ODAD3: variants seen among roughly 807,000 people sequenced by gnomAD.
The protein encoded by ODAD3 is outer dynein arm docking complex subunit 3.
Under a neutral mutation model 70.9 loss-of-function variants are expected in ODAD3, and 57 were observed. The ratio of observed to expected loss-of-function variants is 0.80; its 90% confidence interval spans 0.65 to 1.00. ODAD3 has a LOEUF of 1.00. Among genes scored for constraint, ODAD3 ranks in the 50% least tolerant of loss-of-function variants. The pLI is 0.00. For synonymous variants in ODAD3, 327 were observed against 315.9 expected, an observed-to-expected ratio of 1.04 and a Z score of -0.37; for missense variants, 797 against 763.9, an observed-to-expected ratio of 1.04 and a Z score of -0.51.
In ODAD3 at chr19:11,425,307, GTGTACATATGTGTATA is replaced by G. The variant is rs1165477038; in HGVS notation, c.963+821_963+836del. 1.1e-3 allele frequency among the ~76,000 whole-genome samples: 123 copies of G among 111,044 alleles called. 8 individuals are homozygous for G. The highest frequency in any genetic ancestry group is 2.0e-3 in the Admixed American group (25 of 12,460). The allele number at this position is 111,044 out of a possible 152,430, so 72.8% of individuals were successfully genotyped here. On this transcript the variant is annotated intron_variant, in intron 7 of 12. Coordinates refer to ENST00000356392, the MANE Select transcript of ODAD3 (RefSeq NM_145045.5). The stretch of plus-strand genomic sequence containing the variant: ...TGTACATATGTGTATATATGTGTAT[GTGTACATATGTGTATA>G]TGTACATATGTGTATATATGTATAT...
Position 11,425,567 on chromosome 19 carries a change from G to GTATGTATGTATATATGTATATATGTGTA in ODAD3, c.963+576_963+577insTACACATATATACATATATACATACATA, listed in dbSNP as rs1969339770. On this transcript the variant is annotated intron_variant, in intron 7 of 12. Transcript: ENST00000356392. ...TGTATGTATATATGTATATATGTGTGTATGTATGTATATATGTATGTATAT... is the reference window on the plus strand; with the variant it reads ...TGTATGTATATATGTATATATGTGTGTATGTATGTATATATGTATATATGTGTATATGTATGTATATATGTATGTATAT... Among the ~76,000 whole-genome samples, 13 of 131,134 alleles carry GTATGTATGTATATATGTATATATGTGTA rather than the reference G, an allele frequency of 9.9e-5. 1 individual carries two copies. The highest frequency in any genetic ancestry group is 2.2e-4 in the South Asian group (1 of 4,592). The allele number at this position is 131,134 out of a possible 152,430, so 86.0% of individuals were successfully genotyped here.
At position 11,420,796 on chromosome 19, in the gene ODAD3, G is replaced by A; in HGVS notation, c.*39C>T. Reference sequence around the variant, plus strand: ...CTGCGCTAGACCCGGAGGGATCGGGGGCTCCGAAGGGGGCCGCCTGGTGGG... The same window carrying A: ...CTGCGCTAGACCCGGAGGGATCGGGAGCTCCGAAGGGGGCCGCCTGGTGGG... On this transcript the variant is annotated 3_prime_UTR_variant, in exon 13 of 13. Coordinates refer to ENST00000356392, the MANE Select transcript of ODAD3 (RefSeq NM_145045.5). The A allele has an allele frequency of 6.4e-7, 1 of 1,553,684 alleles. No homozygotes were observed. The highest frequency in any genetic ancestry group is 2.2e-5 in the East Asian group (1 of 44,602).
rs1183814832 is a variant in ODAD3, at chr19:11,426,535, T to C, written c.751A>G (p.Met251Val). The change falls in exon 6 of 13, where the codon ATG becomes GTG. Residue 251 changes from methionine (M) to valine (V), a missense_variant. Transcript: ENST00000356392. ...TTGGTCCTCACCACCTCAGCCTCCATGGAGTCCAGCCGGTTCTCCAAGTTG... is the reference window on the plus strand; with the variant it reads ...TTGGTCCTCACCACCTCAGCCTCCACGGAGTCCAGCCGGTTCTCCAAGTTG... Reference protein sequence around the residue: ...SLNLENRLDSMEAEVVRTKHE... With the variant: ...SLNLENRLDSVEAEVVRTKHE... 5.0e-6 allele frequency: 8 copies of C among 1,614,018 alleles called. No homozygotes were observed. The highest frequency in any genetic ancestry group is 1.7e-4 in the Middle Eastern group (1 of 6,060).
chr19:11,426,862 C>T lies in ODAD3; in HGVS notation c.612+11G>A. 6.2e-7 allele frequency: 1 copy of T among 1,610,280 alleles called. No homozygotes were observed. Among genetic ancestry groups the T allele is most frequent in the Non-Finnish European group, 8.5e-7 (1 of 1,177,738 alleles). ...ACGACCCTCTGCCCTGCAGGCCTCA[C>T]CCGCCCCTACCTTGGCCACCTCCGT... is the stretch of plus-strand genomic sequence containing the variant. On this transcript the variant is annotated intron_variant, in intron 4 of 12. Transcript: ENST00000356392.
intron 1 of ODAD3, among the ~76,000 whole-genome samples, chr19:11,432,112 AAAAAC>A (rs928967668): frequency 3.3e-5 from 5 of 152,160 alleles, no homozygotes; most frequent in Non-Finnish European, 7.3e-5. Context: ...CTCTGTCTCA[AAAAAC>A]AAAACAAAAC....
At chr19:11,428,237 A>C (rs1311951628) in intron 3 of ODAD3, among the ~76,000 whole-genome samples, 1 of 148,452 alleles carries the variant, frequency 6.7e-6, no homozygotes, top group South Asian at 2.3e-4. Context: ...CACCCAGCCC[A>C]GTTTTGTTTT....
intron 7 of ODAD3, among the ~76,000 whole-genome samples, chr19:11,425,366 T>C (rs1372163260): frequency 1.4e-5 from 2 of 141,156 alleles, no homozygotes; most frequent in Admixed American, 6.9e-5. Context: ...TATGTACATA[T>C]GTGTATATAT....
upstream of ODAD3, chr19:11,435,278 T>C (rs1336966708): frequency 1.7e-6 from 2 of 1,184,376 alleles, no homozygotes; most frequent in Non-Finnish European, 2.3e-6. Context: ...GTCCCAACAG[T>C]GGGCGGGGTA....
chr19:11,435,719 G>A (rs1969685006), upstream of ODAD3: 2 of 1,328,914 alleles, frequency 1.5e-6, no homozygotes, highest in Non-Finnish European at 2.0e-6. Flanking sequence ...AGGTGTGAAC[G>A]AGCGGGTGGG....
intron 3 of ODAD3, among the ~76,000 whole-genome samples, chr19:11,427,555 C>T (rs1292984919): frequency 6.6e-6 from 1 of 150,628 alleles, no homozygotes; most frequent in Non-Finnish European, 1.5e-5. Context: ...GATCTCGGCT[C>T]ACTGCAACTT....
intron 3 of ODAD3, among the ~76,000 whole-genome samples, chr19:11,428,086 C>A (rs192042268): frequency 6.7e-6 from 1 of 148,738 alleles, no homozygotes; most frequent in African/African-American, 2.5e-5. Context: ...GGCGACAGTG[C>A]GAGACTCTGT....
intron 3 of ODAD3, among the ~76,000 whole-genome samples, chr19:11,429,880 C>G (rs1022250674): frequency 6.7e-6 from 1 of 150,070 alleles, no homozygotes; most frequent in Admixed American, 6.7e-5. Context: ...TACTGTCACT[C>G]AGGCTGGAGT....
At chr19:11,435,560 CAT>C (rs1300661072), upstream of ODAD3, 1 of 698,742 alleles carries the variant, frequency 1.4e-6, no homozygotes, top group African/African-American at 1.8e-5. Context: ...CCTCTCCCAA[CAT>C]GGCGACCCTG....
Position 11,422,888 on chromosome 19 carries a change from G to C in ODAD3, c.1117-27C>G. 1 of 1,597,238 alleles carries C rather than the reference G, an allele frequency of 6.3e-7. No individual in the cohort carries two copies. The highest frequency in any genetic ancestry group is 8.5e-7 in the Non-Finnish European group (1 of 1,178,020). On this transcript the variant is annotated intron_variant, in intron 8 of 12. Transcript: ENST00000356392. The surrounding 1 kb of genome is among the most constrained non-coding windows in gnomAD (Gnocchi z 4.6). ...TGCGGGCCACCCAGCCCCAGTCAGA[G>C]CCAGGGCCTAGGGAGCGTAGGGGCG...
chr19:11,421,318 C>T (rs966833685), intron 11 of ODAD3, 106 bp from the exon 12 acceptor site: 6 of 1,036,804 alleles, frequency 5.8e-6, no homozygotes, highest in African/African-American at 4.8e-5. Context: ...GCCCTAGTTC[C>T]AACTGGAGAC....
At chr19:11,425,753 G>A (rs1411143313) in intron 7 of ODAD3, among the ~76,000 whole-genome samples, 1 of 150,900 alleles carries the variant, frequency 6.6e-6, no homozygotes, top group African/African-American at 2.4e-5. Flanking sequence ...GTGAGGGCTG[G>A]ATGGGAGGCA....
intron 7 of ODAD3, among the ~76,000 whole-genome samples, chr19:11,425,478 T>C (rs534738866): frequency 7.2e-6 from 1 of 138,924 alleles, no homozygotes; most frequent in Non-Finnish European, 1.5e-5. Flanking sequence ...TATGTATATA[T>C]GTGTGTATAT....
rs1969350927 is a variant in ODAD3, at chr19:11,425,660, T to TGCATATAC, written c.963+483_963+484insGTATATGC. Among the ~76,000 whole-genome samples the TGCATATAC allele has an allele frequency of 3.0e-5, 4 of 131,950 alleles. 1 individual carries two copies. Among genetic ancestry groups the TGCATATAC allele is most frequent in the African/African-American group, 1.5e-4 (4 of 26,264 alleles). The allele number at this position is 131,950 out of a possible 152,430, so 86.6% of individuals were successfully genotyped here. A position where few individuals can be genotyped will look rare whatever the true frequency, so the allele number is the denominator to read the frequency against. ...ATATATATGTATATACGTATATATATATATATATATGCAAAAAAAACCTAT... is the reference window on the plus strand; with the variant it reads ...ATATATATGTATATACGTATATATATGCATATACATATATATATGCAAAAAAAACCTAT... On this transcript the variant is annotated intron_variant, in intron 7 of 12. Coordinates refer to ENST00000356392, the MANE Select transcript of ODAD3 (RefSeq NM_145045.5).
chr19:11,429,888 AGT>A (rs1969468229), intron 3 of ODAD3, among the ~76,000 whole-genome samples: 1 of 143,348 alleles, frequency 7.0e-6, no homozygotes, highest in South Asian at 2.2e-4. Flanking sequence ...CTCAGGCTGG[AGT>A]GCAGTGGTGC....
Sources: allele counts gnomAD v4.1 joint callset (sites outside exome capture counted in the v4.1 genomes callset), GRCh38; gene constraint gnomAD v4.1.1; non-coding constraint Gnocchi (gnomAD v3.1); transcripts MANE v1.5; gene names NCBI Gene and HGNC (gene_info 2026-07-23, HGNC 2026-07-21).